MDGA2: variants seen among roughly 807,000 people sequenced by gnomAD.
MDGA2 encodes MAM domain containing glycosylphosphatidylinositol anchor 2.
In MDGA2, 40 loss-of-function variants were observed where a neutral mutation model predicts 117.8. The ratio of observed to expected loss-of-function variants is 0.34; its 90% CI spans 0.26 to 0.44. The LOEUF is 0.44. MDGA2 is among the 20% of genes least tolerant of loss of function. The pLI, the probability that MDGA2 is intolerant of heterozygous loss-of-function variation, is 1.00. For synonymous variants in MDGA2, 452 were observed against 439.0 expected (o/e 1.03, Z -0.37); for missense variants, 1,123 against 1,250.6 (o/e 0.90, Z 1.54).
chr14:47,595,078 A>G (rs1896510443), intron 1 of MDGA2, among the ~76,000 whole-genome samples: 1 of 152,118 alleles, frequency 6.6e-6, no homozygotes, highest in African/African-American at 2.4e-5. Flanking sequence ...GTGCTTATCT[A>G]GAACAAAGCC....
At chr14:47,109,453 C>T (rs1880915443) in intron 5 of MDGA2, among the ~76,000 whole-genome samples, 1 of 152,156 alleles carries the variant, frequency 6.6e-6, no homozygotes, top group Non-Finnish European at 1.5e-5. Context: ...TGCCCCTATG[C>T]TTTCACTGTG....
chr14:47,437,624 C>T (rs574599848), intron 1 of MDGA2, among the ~76,000 whole-genome samples: 1 of 152,206 alleles, frequency 6.6e-6, no homozygotes, highest in Non-Finnish European at 1.5e-5. Context: ...GTGGAGGCAA[C>T]AAATGATAGG....
At chr14:47,097,845 C>A (rs1406873094) in intron 5 of MDGA2, among the ~76,000 whole-genome samples, 2 of 151,918 alleles carry the variant, frequency 1.3e-5, no homozygotes, top group Non-Finnish European at 2.9e-5. Context: ...AAATCCCTTA[C>A]TGAAAACAAG....
rs1882586540 is a variant in MDGA2 at position 46,884,367 on chromosome 14, T to C, written c.2239-2146A>G. On this transcript the variant is annotated intron_variant, in intron 10 of 16. Coordinates refer to ENST00000399232, the MANE Select transcript of MDGA2 (RefSeq NM_001113498.3). This position sits in a 1 kb window ranked among gnomAD's most constrained non-coding sequence, Gnocchi z 4.1. ...CATTTTCCCTTGGATTTTTACGTAG[T>C]ACTTTCTCTATGTACACACACATAC... Among the ~76,000 whole-genome samples, 1 of 152,174 alleles carries C rather than the reference T, an allele frequency of 6.6e-6. No homozygotes were observed. The highest frequency in any genetic ancestry group is 2.4e-5 in the African/African-American group (1 of 41,460).
chr14:47,138,226 C>A lies in MDGA2; in HGVS notation c.792+5852G>T, dbSNP rs529412170. Among the ~76,000 whole-genome samples, 10 of 152,062 alleles carry A rather than the reference C, an allele frequency of 6.6e-5. 2 individuals carry two copies. In the South Asian group the frequency reaches 2.1e-3, roughly 32 times the overall value. ...TTAACATTAATTTTATTTTGTTGATCATTTGAATTTGATACTTTGGGTGTT... is the reference window on the plus strand; with the variant it reads ...TTAACATTAATTTTATTTTGTTGATAATTTGAATTTGATACTTTGGGTGTT... On this transcript the variant is annotated intron_variant, in intron 4 of 16. Coordinates refer to ENST00000399232, the MANE Select transcript of MDGA2 (RefSeq NM_001113498.3).
intron 2 of MDGA2, among the ~76,000 whole-genome samples, chr14:47,254,401 C>G (rs762810921): frequency 4.6e-5 from 7 of 152,192 alleles, no homozygotes; most frequent in Non-Finnish European, 1.0e-4. Flanking sequence ...CAAAGTTTCA[C>G]AGATCTCTAG....
At chr14:47,283,047 C>T (rs72680280) in intron 2 of MDGA2, among the ~76,000 whole-genome samples, 13,824 of 152,004 alleles carry the variant, frequency 0.091, 775 homozygotes, top group Non-Finnish European at 0.11. Context: ...GTGATGAAGT[C>T]ATCACATATC....
At chr14:47,057,381 C>G (rs1349715004) in intron 7 of MDGA2, among the ~76,000 whole-genome samples, 1 of 151,928 alleles carries the variant, frequency 6.6e-6, no homozygotes, top group Non-Finnish European at 1.5e-5. Context: ...TCCTTAAGGG[C>G]AAGGCCTATT....
At chr14:47,412,531 C>T (rs543491722) in intron 1 of MDGA2, among the ~76,000 whole-genome samples, 1 of 152,326 alleles carries the variant, frequency 6.6e-6, no homozygotes, top group South Asian at 2.1e-4. Context: ...ATCCTCTAGC[C>T]TTGGCCTCCC....
chr14:47,405,237 C>G (rs779831289), intron 1 of MDGA2, among the ~76,000 whole-genome samples: 7 of 152,152 alleles, frequency 4.6e-5, no homozygotes, highest in Non-Finnish European at 8.8e-5. Context: ...TGCCCTTCAT[C>G]TTACAGTTCT....
At chr14:47,213,629 C>CTGTT (rs55830671) in intron 3 of MDGA2, among the ~76,000 whole-genome samples, 132,885 of 151,844 alleles carry the variant, frequency 0.88, 58,276 homozygotes, top group African/African-American at 0.93. Flanking sequence ...TTTTGTTTTA[C>CTGTT]TGTTTTCCAG....
chr14:47,476,572 T>G (rs1301576721), intron 1 of MDGA2, among the ~76,000 whole-genome samples: 1 of 152,140 alleles, frequency 6.6e-6, no homozygotes, highest in Admixed American at 6.6e-5. Flanking sequence ...GTGAAACTTT[T>G]TTTTTATGGA....
chr14:47,659,575 A>C (rs1897807353), intron 1 of MDGA2, among the ~76,000 whole-genome samples: 1 of 152,202 alleles, frequency 6.6e-6, no homozygotes, highest in African/African-American at 2.4e-5. Context: ...TTATTTAATT[A>C]TTGTTGGTAA....
chr14:47,367,270 GT>G, intron 1 of MDGA2, among the ~76,000 whole-genome samples: 1 of 152,242 alleles, frequency 6.6e-6, no homozygotes, highest in Non-Finnish European at 1.5e-5. Context: ...GGTATGATAA[GT>G]TTTTGGAATT....
intron 8 of MDGA2, among the ~76,000 whole-genome samples, chr14:47,034,136 T>C (rs763644767): frequency 2.0e-5 from 3 of 152,218 alleles, no homozygotes; most frequent in Non-Finnish European, 2.9e-5. Flanking sequence ...GTTGAGTAGA[T>C]TGTGTTTAGT....
intron 15 of MDGA2, among the ~76,000 whole-genome samples, chr14:46,852,450 G>A (rs1881096937): frequency 6.6e-6 from 1 of 151,626 alleles, no homozygotes; most frequent in South Asian, 2.1e-4. Context: ...AAAAAACAAG[G>A]GAAGCTGGAA....
intron 1 of MDGA2, among the ~76,000 whole-genome samples, chr14:47,361,039 G>C (rs1181497306): frequency 3.3e-5 from 5 of 152,024 alleles, no homozygotes; most frequent in African/African-American, 9.7e-5. Context: ...GTCAATCATT[G>C]CATAATAAAA....
At chr14:47,458,298 T>C (rs1409906110) in intron 1 of MDGA2, among the ~76,000 whole-genome samples, 1 of 152,192 alleles carries the variant, frequency 6.6e-6, no homozygotes, top group East Asian at 1.9e-4. Context: ...ATTGTTCCAC[T>C]TACATTTTTG....
At chr14:47,534,879 A>T (rs541157270) in intron 1 of MDGA2, among the ~76,000 whole-genome samples, 1 of 152,328 alleles carries the variant, frequency 6.6e-6, no homozygotes, top group South Asian at 2.1e-4. Flanking sequence ...TCTGGAGAGA[A>T]ACTGAAGCAC....
Sources: allele counts gnomAD v4.1 joint callset (sites outside exome capture counted in the v4.1 genomes callset), GRCh38; gene constraint gnomAD v4.1.1; non-coding constraint Gnocchi (gnomAD v3.1); transcripts MANE v1.5; gene names NCBI Gene and HGNC (gene_info 2026-07-23, HGNC 2026-07-21).